RBFOX1: variants seen among roughly 807,000 people sequenced by gnomAD.
RBFOX1 encodes the protein RNA binding protein fox-1 homolog 1.
Under a neutral mutation model 57.7 loss-of-function variants are expected in RBFOX1, and 8 were observed. The observed-to-expected ratio is 0.14, with a 90% CI of 0.08 to 0.25. The LOEUF is 0.25. RBFOX1 is among the 10% of genes least tolerant of loss of function. The pLI is 1.00. For synonymous variants in RBFOX1, 326 were observed against 222.4 expected (o/e 1.47, Z -4.15); for missense variants, 611 against 548.5 (o/e 1.11, Z -1.14).
intron 7 of RBFOX1, among the ~76,000 whole-genome samples, chr16:7,590,649 C>G (rs2094394035): frequency 2.0e-5 from 3 of 151,972 alleles, no homozygotes. Flanking sequence ...CACCTGAGGT[C>G]AGGAGTTCGA....
intron 1 of RBFOX1, among the ~76,000 whole-genome samples, chr16:6,140,929 A>G (rs938103637): frequency 1.3e-5 from 2 of 152,320 alleles, no homozygotes; most frequent in African/African-American, 4.8e-5. Context: ...GGGACACTCC[A>G]GTGGTCAATG....
At chr16:6,771,995 C>A (rs190269591) in intron 3 of RBFOX1, among the ~76,000 whole-genome samples, 1 of 152,272 alleles carries the variant, frequency 6.6e-6, no homozygotes, top group Non-Finnish European at 1.5e-5. Flanking sequence ...GAAAGACTCC[C>A]TTCGGCTCTT....
chr16:6,393,523 C>T (rs1271764087), intron 2 of RBFOX1, among the ~76,000 whole-genome samples: 1 of 152,156 alleles, frequency 6.6e-6, no homozygotes, highest in Non-Finnish European at 1.5e-5. Flanking sequence ...TATTTAGCTG[C>T]TTCATGCATT....
intron 3 of RBFOX1, among the ~76,000 whole-genome samples, chr16:6,666,074 C>T (rs556848399): frequency 6.6e-6 from 1 of 152,248 alleles, no homozygotes; most frequent in South Asian, 2.1e-4. Context: ...TTCATTCTTT[C>T]TCTGCCACCA....
intron 4 of RBFOX1, among the ~76,000 whole-genome samples, chr16:7,439,631 T>G (rs2149831768): frequency 6.6e-6 from 1 of 152,338 alleles, no homozygotes. Context: ...TGCTCAGTTT[T>G]TCCTGAAGAT....
chr16:5,568,582 G>A (rs1376783718), intron 2 of RBFOX1, among the ~76,000 whole-genome samples: 3 of 152,134 alleles, frequency 2.0e-5, no homozygotes, highest in Admixed American at 6.5e-5. Context: ...GAGGATGCGT[G>A]ACACTCATCA....
intron 1 of RBFOX1, among the ~76,000 whole-genome samples, chr16:6,089,092 T>A (rs2096132741): frequency 6.7e-6 from 1 of 150,372 alleles, no homozygotes; most frequent in Non-Finnish European, 1.5e-5. Context: ...TATATATATA[T>A]ATATGATCCT....
intron 3 of RBFOX1, among the ~76,000 whole-genome samples, chr16:6,806,353 T>G (rs537064272): frequency 6.6e-6 from 1 of 152,202 alleles, no homozygotes; most frequent in East Asian, 1.9e-4. Context: ...TATAGAGTTT[T>G]GAAAGATGGA....
At chr16:5,691,768 A>T (rs2050687072) in intron 3 of RBFOX1, among the ~76,000 whole-genome samples, 1 of 151,946 alleles carries the variant, frequency 6.6e-6, no homozygotes, top group Admixed American at 6.6e-5. Flanking sequence ...TGTAAACATT[A>T]TCTTTTTTTT....
intron 3 of RBFOX1, among the ~76,000 whole-genome samples, chr16:5,728,584 C>G (rs1423328675): frequency 6.6e-6 from 1 of 152,064 alleles, no homozygotes; most frequent in African/African-American, 2.4e-5. Context: ...ACACCATTCT[C>G]TGATGCCATT....
At chr16:6,664,537 A>T (rs891659150) in intron 3 of RBFOX1, among the ~76,000 whole-genome samples, 1 of 152,164 alleles carries the variant, frequency 6.6e-6, no homozygotes, top group Non-Finnish European at 1.5e-5. Flanking sequence ...AGTAGATCTC[A>T]TTGTGTCCTT....
At chr16:5,524,696 G>A (rs1162211824) in intron 2 of RBFOX1, among the ~76,000 whole-genome samples, 4 of 151,876 alleles carry the variant, frequency 2.6e-5, no homozygotes, top group African/African-American at 4.8e-5. Context: ...GCATGCCACC[G>A]TGACTGGCTA....
At chr16:6,726,370 A>G (rs2067173594) in intron 3 of RBFOX1, among the ~76,000 whole-genome samples, 1 of 150,018 alleles carries the variant, frequency 6.7e-6, no homozygotes, top group Non-Finnish European at 1.5e-5. Context: ...TAAAAAAATA[A>G]TAAATAAAAA....
At chr16:6,588,541 A>T (rs1011880308) in intron 2 of RBFOX1, among the ~76,000 whole-genome samples, 1 of 151,846 alleles carries the variant, frequency 6.6e-6, no homozygotes, top group Admixed American at 6.6e-5. Context: ...TAACTCAGCT[A>T]CTCTGGAGGC....
intron 2 of RBFOX1, among the ~76,000 whole-genome samples, chr16:6,641,596 G>A (rs2098488501): frequency 6.6e-6 from 1 of 151,926 alleles, no homozygotes; most frequent in South Asian, 2.1e-4. Context: ...TTAGCTGGGT[G>A]TGATGGTGGG....
chr16:6,637,064 A>G (rs1477805653), intron 2 of RBFOX1, among the ~76,000 whole-genome samples: 1 of 92,706 alleles, frequency 1.1e-5, no homozygotes, highest in African/African-American at 4.2e-5. Context: ...ATTTATATGT[A>G]TAAATATGTT....
chr16:6,821,881 G>C (rs1037944853), intron 3 of RBFOX1, among the ~76,000 whole-genome samples: 1 of 152,106 alleles, frequency 6.6e-6, no homozygotes, highest in African/African-American at 2.4e-5. Flanking sequence ...TATATACCTA[G>C]GCATGAAATT....
intron 4 of RBFOX1, among the ~76,000 whole-genome samples, chr16:5,963,244 T>G (rs1264668937): frequency 6.6e-6 from 1 of 152,190 alleles, no homozygotes; most frequent in Non-Finnish European, 1.5e-5. Flanking sequence ...CAGCAAAGGT[T>G]TGGTTCTTGC....
At chr16:5,270,956 G>T (rs570308694) in intron 1 of RBFOX1, 1 of 372,014 alleles carries the variant, frequency 2.7e-6, no homozygotes, top group African/African-American at 2.2e-5. Context: ...TCTGTTTAAA[G>T]TTCAGACTTA....
Sources: allele counts gnomAD v4.1 joint callset (sites outside exome capture counted in the v4.1 genomes callset), GRCh38; gene constraint gnomAD v4.1.1; transcripts MANE v1.5; gene names NCBI Gene and HGNC (gene_info 2026-07-23, HGNC 2026-07-21).